The following SPATS2 variants were observed in gnomAD, a reference collection of about 807,000 sequenced individuals.
SPATS2 encodes spermatogenesis-associated serine-rich protein 2.
Under a neutral mutation model 63.7 loss-of-function variants are expected in SPATS2, and 38 were observed. The observed-to-expected ratio is 0.60, with a 90% CI of 0.46 to 0.78. SPATS2 has a LOEUF of 0.78. SPATS2 is among the 30% of genes least tolerant of loss of function. The pLI, the probability that SPATS2 is intolerant of heterozygous loss-of-function variation, is 0.00. For missense variants in SPATS2, 588 were observed against 666.2 expected (o/e 0.88, Z 1.29); for synonymous variants, 207 against 232.9 (o/e 0.89, Z 1.01).
chr12:49,453,261 C>G (rs976905015), intron 2 of SPATS2, among the ~76,000 whole-genome samples: 1 of 151,774 alleles, frequency 6.6e-6, no homozygotes, highest in African/African-American at 2.4e-5. Context: ...TTTTCACATG[C>G]CTTTGGGTCA....
At chr12:49,395,170 T>A (rs529423688) in intron 2 of SPATS2, among the ~76,000 whole-genome samples, 1 of 152,186 alleles carries the variant, frequency 6.6e-6, no homozygotes, top group East Asian at 1.9e-4. Context: ...TTTAAAGTAT[T>A]TTTTTATTTA....
chr12:49,427,535 A>AT (rs1190391313), intron 2 of SPATS2, among the ~76,000 whole-genome samples: 1 of 152,218 alleles, frequency 6.6e-6, no homozygotes, highest in Admixed American at 6.5e-5. Context: ...TTTCTGGATC[A>AT]TAGGATTGAC....
In SPATS2 at chr12:49,496,918, T is replaced by G; in HGVS notation, c.612T>G (p.Asn204Lys). Residue 204 changes from asparagine (N) to lysine (K), a missense_variant, in exon 8 of 14, where the codon AAT (asparagine) becomes AAG (lysine). Physicochemically the swap from Asn to Lys is moderately conservative, Grantham distance 94. Transcript: ENST00000552918. ...HSIHNSQQPR[N>K]AAKSLSRPTT... ...TTCACAATTCTCAACAACCCAGGAA[T>G]GCTGCCAAATCTCTCTCAAGACCTA... 6.2e-7 allele frequency: 1 copy of G among 1,613,254 alleles called. No homozygotes were observed. The highest frequency in any genetic ancestry group is 8.5e-7 in the Non-Finnish European group (1 of 1,179,772).
intron 2 of SPATS2, among the ~76,000 whole-genome samples, chr12:49,438,463 G>T (rs1279205399): frequency 6.6e-6 from 1 of 152,130 alleles, no homozygotes; most frequent in Non-Finnish European, 1.5e-5. Flanking sequence ...TGAAGTTGCT[G>T]GGTCATAAGA....
At chr12:49,465,322 A>T (rs539160549) in intron 3 of SPATS2, among the ~76,000 whole-genome samples, 49 of 152,028 alleles carry the variant, frequency 3.2e-4, no homozygotes, top group African/African-American at 1.0e-3. Flanking sequence ...GTGTATCAGG[A>T]TTTCATATTT....
intron 2 of SPATS2, among the ~76,000 whole-genome samples, chr12:49,455,038 G>A (rs1000556858): frequency 7.9e-5 from 12 of 151,982 alleles, no homozygotes; most frequent in East Asian, 1.9e-4. Flanking sequence ...CCTTTGTAGC[G>A]TTGATACGAT....
Position 49,498,145 on chromosome 12 carries a change from A to AAAAAATAT in SPATS2, c.703+1137_703+1138insAAAATATA, listed in dbSNP as rs66900382. ...ATCCAATCAAGCCAAAAAAAAAAAAAATATATATATATATATATATATATG... is the reference window on the plus strand; with the variant it reads ...ATCCAATCAAGCCAAAAAAAAAAAAAAAAAATATATATATATATATATATATATATATG... On this transcript the variant is annotated intron_variant, in intron 8 of 13. Coordinates refer to ENST00000552918, the MANE Select transcript of SPATS2 (RefSeq NM_023071.4). Among the ~76,000 whole-genome samples the AAAAAATAT allele has an allele frequency of 3.0e-3, 298 of 98,924 alleles. 1 individual carries two copies. Among genetic ancestry groups the AAAAAATAT allele is most frequent in the South Asian group, 1.0e-2 (29 of 2,912 alleles). 64.9% of individuals were successfully genotyped at this position (98,924 alleles called of 152,430 possible).
chr12:49,415,076 C>T (rs916581548), intron 2 of SPATS2, among the ~76,000 whole-genome samples: 1 of 151,558 alleles, frequency 6.6e-6, no homozygotes. Flanking sequence ...AGTAGAGGCA[C>T]GTGCCACCAC....
intron 2 of SPATS2, among the ~76,000 whole-genome samples, chr12:49,403,995 C>T (rs537889041): frequency 3.9e-5 from 6 of 152,206 alleles, no homozygotes; most frequent in Non-Finnish European, 7.3e-5. Flanking sequence ...TGAGACTTGA[C>T]TTTTGCTAGA....
chr12:49,396,001 G>T (rs1944504511), intron 2 of SPATS2, among the ~76,000 whole-genome samples: 1 of 152,178 alleles, frequency 6.6e-6, no homozygotes, highest in Non-Finnish European at 1.5e-5. Context: ...GTGGTATCAT[G>T]CATTATTTGT....
chr12:49,395,086 A>G (rs1330585529), intron 2 of SPATS2, among the ~76,000 whole-genome samples: 1 of 152,182 alleles, frequency 6.6e-6, no homozygotes, highest in African/African-American at 2.4e-5. Context: ...GGATAAAAAA[A>G]GACAATTTTA....
intron 9 of SPATS2, among the ~76,000 whole-genome samples, chr12:49,500,613 A>AT (rs1465903418): frequency 6.6e-6 from 1 of 152,102 alleles, no homozygotes; most frequent in Non-Finnish European, 1.5e-5. Context: ...TCTACTAAAA[A>AT]TACAAAAAAT....
rs1045974502 is a variant in SPATS2, at chr12:49,420,241, CAT to C, written c.-243-40528_-243-40527del. The stretch of plus-strand genomic sequence containing the variant: ...TTTTTATTTTCCAGGTTATCTACCA[CAT>C]GTTATATTTATTGTTAAGGGATTAA... On this transcript the variant is annotated intron_variant, in intron 2 of 13. Transcript: ENST00000552918. Among the ~76,000 whole-genome samples, 8 of 152,158 alleles carry C rather than the reference CAT, an allele frequency of 5.3e-5. No individual in the cohort carries two copies. The East Asian group carries it at 7.7e-4, about 15-fold the overall frequency.
At chr12:49,436,637 C>T (rs1464716642) in intron 2 of SPATS2, among the ~76,000 whole-genome samples, 2 of 123,246 alleles carry the variant, frequency 1.6e-5, no homozygotes, top group Admixed American at 7.7e-5. Context: ...CCGGACGGGG[C>T]GGCTGGCCGG....
intron 2 of SPATS2, among the ~76,000 whole-genome samples, chr12:49,424,189 C>T (rs1196296754): frequency 6.6e-6 from 1 of 152,086 alleles, no homozygotes; most frequent in South Asian, 2.1e-4. Flanking sequence ...GGCAACAGAA[C>T]GGGACTCTGT....
intron 3 of SPATS2, among the ~76,000 whole-genome samples, chr12:49,461,488 G>T (rs926391789): frequency 1.3e-5 from 2 of 152,182 alleles, no homozygotes; most frequent in African/African-American, 4.8e-5. Flanking sequence ...TCAGGAAATA[G>T]AAGGGTAGTT....
chr12:49,439,329 T>C (rs1275984087), intron 2 of SPATS2, among the ~76,000 whole-genome samples: 1 of 152,076 alleles, frequency 6.6e-6, no homozygotes, highest in African/African-American at 2.4e-5. Context: ...CTGAAGGGTT[T>C]TGAGTAGAGG....
At chr12:49,521,284 C>G (rs532658504) in intron 11 of SPATS2, among the ~76,000 whole-genome samples, 7 of 152,300 alleles carry the variant, frequency 4.6e-5, no homozygotes, top group Non-Finnish European at 7.4e-5. Flanking sequence ...GGTGGAAGAT[C>G]ATCCAGGACC....
At chr12:49,435,022 CTTTTTTTTTT>C (rs776284070) in intron 2 of SPATS2, among the ~76,000 whole-genome samples, 3 of 114,064 alleles carry the variant, frequency 2.6e-5, no homozygotes, top group Non-Finnish European at 5.5e-5. Flanking sequence ...AACTGAATGG[CTTTTTTTTTT>C]TTTTTTTTTT....
Sources: allele counts gnomAD v4.1 joint callset (sites outside exome capture counted in the v4.1 genomes callset), GRCh38; gene constraint gnomAD v4.1.1; transcripts MANE v1.5; gene names NCBI Gene and HGNC (gene_info 2026-07-23, HGNC 2026-07-21).